DNAJA1: variants seen among roughly 807,000 people sequenced by gnomAD.
DNAJA1 encodes DnaJ heat shock protein family (Hsp40) member A1, also known as dnaJ homolog subfamily A member 1.
A neutral mutation model predicts 47.6 loss-of-function variants in DNAJA1; 26 were observed. That is an observed-to-expected ratio of 0.55 (90% confidence interval 0.40 to 0.76). The LOEUF (loss-of-function observed/expected upper bound fraction) is 0.76, where lower values mean the gene tolerates loss of function less well. Ranked by LOEUF, DNAJA1 falls within the 30% of genes least tolerant of loss-of-function variation. The probability of loss-of-function intolerance (pLI) is 0.00; values close to 1 mark genes in which losing one functional copy is unlikely to be tolerated. For synonymous variants in DNAJA1, 165 were observed against 158.4 expected, an observed-to-expected ratio of 1.04 and a Z score of -0.31; for missense variants, 315 against 485.0, an observed-to-expected ratio of 0.65 and a Z score of 3.29.
At chr9:33,037,906 G>A (rs7019073) in intron 8 of DNAJA1, among the ~76,000 whole-genome samples, 1 of 152,050 alleles carries the variant, frequency 6.6e-6, no homozygotes, top group Non-Finnish European at 1.5e-5. Flanking sequence ...TGGCAAAATA[G>A]TGTAATGCTT....
At chr9:33,038,308 A>C (rs1327272991) in intron 8 of DNAJA1, among the ~76,000 whole-genome samples, 1 of 152,148 alleles carries the variant, frequency 6.6e-6, no homozygotes, top group Admixed American at 6.6e-5. Flanking sequence ...TGGCCTAAAA[A>C]CATCTTTGGT....
chr9:33,031,950 T>A (rs1459764111), intron 5 of DNAJA1, among the ~76,000 whole-genome samples: 4 of 152,238 alleles, frequency 2.6e-5, no homozygotes, highest in African/African-American at 9.6e-5. Context: ...TTTACTCTTG[T>A]CAACTTGCAA....
At chr9:33,030,751 C>T in intron 5 of DNAJA1, 84 bp downstream of exon 5, 1 of 1,181,060 alleles carries the variant, frequency 8.5e-7, no homozygotes, top group African/African-American at 1.5e-5. Flanking sequence ...AAAAATCATT[C>T]TTAATTAGGT....
At chr9:33,027,861 A>C (rs138806396) in intron 3 of DNAJA1, among the ~76,000 whole-genome samples, 1 of 151,542 alleles carries the variant, frequency 6.6e-6, no homozygotes, top group Non-Finnish European at 1.5e-5. Flanking sequence ...AAAAAACCCA[A>C]AAAAATCCAA....
At chr9:33,029,642 C>T (rs978061560) in intron 3 of DNAJA1, among the ~76,000 whole-genome samples, 2 of 152,198 alleles carry the variant, frequency 1.3e-5, no homozygotes, top group Non-Finnish European at 2.9e-5. Context: ...TCCAAGATGG[C>T]CACGTCTGTG....
rs553390178 is a variant in DNAJA1 at position 33,036,837 on chromosome 9, T to G, written c.874+148T>G. ...CCTTCTCTGGGCTTAGATGAAGTTA[T>G]AAGGTCTTGGCTCTCTTGTCAGCCC... On this transcript the variant is annotated intron_variant, in intron 7 of 8. Coordinates refer to ENST00000330899, the MANE Select transcript of DNAJA1 (RefSeq NM_001539.4). 8.8e-5 allele frequency: 71 copies of G among 805,428 alleles called. No homozygotes were observed. Among genetic ancestry groups the G allele is most frequent in the Admixed American group, 4.6e-4 (16 of 34,800 alleles). The allele number at this position is 805,428 out of a possible 1,614,324, so 49.9% of individuals were successfully genotyped here.
chr9:33,031,889 T>TA (rs896767738), intron 5 of DNAJA1, among the ~76,000 whole-genome samples: 1 of 152,224 alleles, frequency 6.6e-6, no homozygotes, highest in African/African-American at 2.4e-5. Flanking sequence ...AATAACTATA[T>TA]AACCTTTTTT....
In DNAJA1 at chr9:33,025,647, C is replaced by T. The variant is rs368203965; in HGVS notation, c.-11+264C>T. 8.5e-5 allele frequency among the ~76,000 whole-genome samples: 13 copies of T among 152,280 alleles called. No homozygotes were observed. The East Asian group carries it at 1.4e-3, about 16-fold the overall frequency. On this transcript the variant is annotated intron_variant, in intron 1 of 8. Transcript: ENST00000330899. ...CCAAGGAGCTACTGTCTTCGGCTGCCCCTCCGTGCGCGCCCCCGCGGCCCC... is the reference window on the plus strand; with the variant it reads ...CCAAGGAGCTACTGTCTTCGGCTGCTCCTCCGTGCGCGCCCCCGCGGCCCC...
At position 33,026,967 on chromosome 9, in the gene DNAJA1, G is replaced by A. The variant is rs1288869570; in HGVS notation, c.287G>A (p.Gly96Glu). Residue 96 changes from glycine (G) to glutamate (E), a missense_variant, in exon 3 of 9, where the codon GGA (glycine) becomes GAA (glutamate). Gly to Glu is a moderately conservative substitution (Grantham distance 98). Around this residue, in one of 4 missense-constraint regions of DNAJA1, gnomAD observed 100 missense variants for 163.0 expected, o/e 0.61. Transcript: ENST00000330899. ...TTTGATATGTTTTTTGGAGGAGGAG[G>A]AAGGATGCAGAGAGAAAGGAGAGGT... ...DIFDMFFGGG[G>E]RMQRERRGKN... 6.2e-7 allele frequency: 1 copy of A among 1,614,048 alleles called. No homozygotes were observed. The highest frequency in any genetic ancestry group is 1.3e-5 in the African/African-American group (1 of 74,886).
intron 1 of DNAJA1, among the ~76,000 whole-genome samples, chr9:33,025,812 C>A (rs921319182): frequency 6.6e-6 from 1 of 152,136 alleles, no homozygotes; most frequent in Non-Finnish European, 1.5e-5. Context: ...TTCTCTGTTT[C>A]CCCTCCCTTT....
At chr9:33,031,575 G>A (rs1322033914) in intron 5 of DNAJA1, among the ~76,000 whole-genome samples, 1 of 151,944 alleles carries the variant, frequency 6.6e-6, no homozygotes, top group African/African-American at 2.4e-5. Flanking sequence ...GGGACTACAG[G>A]TGTGCACCAC....
chr9:33,036,594 T>C lies in DNAJA1; in HGVS notation c.779T>C (p.Met260Thr). 1.2e-6 allele frequency: 2 copies of C among 1,611,164 alleles called. No individual in the cohort carries two copies. Among genetic ancestry groups the C allele is most frequent in the Non-Finnish European group, 1.7e-6 (2 of 1,178,744 alleles). ...VFTRRGEDLF[M>T]CMDIQLVEAL... ...TGCAGACGAGGAGAAGACCTTTTCA[T>C]GTGTATGGACATACAGCTCGTTGAA... The change falls in exon 7 of 9, where the codon ATG becomes ACG. Residue 260 changes from methionine (M) to threonine (T), a missense_variant. Met to Thr is a moderately conservative substitution (Grantham distance 81). This residue lies in a region of DNAJA1 where 162 missense variants were observed against 185.4 expected (regional missense o/e 0.87). Coordinates refer to ENST00000330899, the MANE Select transcript of DNAJA1 (RefSeq NM_001539.4).
chr9:33,033,729 T>C (rs927247089), intron 5 of DNAJA1, among the ~76,000 whole-genome samples: 2 of 152,196 alleles, frequency 1.3e-5, no homozygotes, highest in Non-Finnish European at 2.9e-5. Context: ...TAGTTTTATA[T>C]ATAAATACTA....
Position 33,036,608 on chromosome 9 carries a change from C to T in DNAJA1, c.793C>T (p.Gln265Ter). 6.2e-7 allele frequency: 1 copy of T among 1,613,652 alleles called. No individual in the cohort carries two copies. The highest frequency in any genetic ancestry group is 8.5e-7 in the Non-Finnish European group (1 of 1,179,780). Residue 265 changes from glutamine (Q) to a stop codon, truncating the protein, a stop_gained, in exon 7 of 9, where the codon CAG becomes TAG. Coordinates refer to ENST00000330899, the MANE Select transcript of DNAJA1 (RefSeq NM_001539.4). LOFTEE classifies it high-confidence loss of function. ...GEDLFMCMDI[Q>*]LVEALCGFQK... ...AGACCTTTTCATGTGTATGGACATA[C>T]AGCTCGTTGAAGCACTGTGTGGCTT... is the stretch of plus-strand genomic sequence containing the variant.
At chr9:33,037,305 TC>T in intron 8 of DNAJA1, 190 bp downstream of exon 8, 1 of 369,512 alleles carries the variant, frequency 2.7e-6, no homozygotes, top group Non-Finnish European at 4.8e-6. Flanking sequence ...AAACCCTGTC[TC>T]TTTAAAAAAA....
intron 5 of DNAJA1, among the ~76,000 whole-genome samples, chr9:33,033,221 G>GT (rs1405251241): frequency 6.6e-6 from 1 of 150,666 alleles, no homozygotes; most frequent in Non-Finnish European, 1.5e-5. Context: ...TCCTCCCCTT[G>GT]TATTTTACGG....
chr9:33,026,589 T>A lies in DNAJA1; in HGVS notation c.105T>A (p.Pro35=), dbSNP rs2274770. 4.7e-5 allele frequency: 75 copies of A among 1,608,400 alleles called. No individual in the cohort carries two copies. The East Asian group carries it at 1.7e-3, about 36-fold the overall frequency. The change falls in exon 2 of 9, where the codon CCT becomes CCA. Residue 35 remains proline, a synonymous_variant. Transcript: ENST00000330899. Reference sequence around the variant, plus strand: ...GGAAACTGGCTTTGAAGTACCATCCTGATAAGAACCCAAATGAAGGAGAGA... The same window carrying A: ...GGAAACTGGCTTTGAAGTACCATCCAGATAAGAACCCAAATGAAGGAGAGA... ...AYRKLALKYH[P]DKNPNEGEKF...
At position 33,036,545 on chromosome 9, in the gene DNAJA1, A is replaced by C; in HGVS notation, c.759-29A>C. The C allele has an allele frequency of 3.4e-6, 5 of 1,472,894 alleles. 1 individual carries two copies. Among genetic ancestry groups the C allele is most frequent in the Non-Finnish European group, 4.7e-6 (5 of 1,071,648 alleles). 91.2% of individuals were successfully genotyped at this position (1,472,894 alleles called of 1,614,324 possible). On this transcript the variant is annotated intron_variant, in intron 6 of 8. Coordinates refer to ENST00000330899, the MANE Select transcript of DNAJA1 (RefSeq NM_001539.4). The stretch of plus-strand genomic sequence containing the variant: ...ACATCTACTGATTCGTGATTTGAAA[A>C]ATATAAATATGTGTCATATTTTATG...
intron 5 of DNAJA1, among the ~76,000 whole-genome samples, chr9:33,032,407 G>T (rs1469936574): frequency 6.6e-6 from 1 of 152,192 alleles, no homozygotes; most frequent in Non-Finnish European, 1.5e-5. Context: ...TTGTTGATAG[G>T]TTCTTGGAAA....
Sources: allele counts gnomAD v4.1 joint callset (sites outside exome capture counted in the v4.1 genomes callset), GRCh38; gene constraint gnomAD v4.1.1; regional missense constraint gnomAD v4.1.1; transcripts MANE v1.5; gene names NCBI Gene and HGNC (gene_info 2026-07-23, HGNC 2026-07-21).